Variants in ZNF546 observed in about 807,000 individuals in gnomAD.
ZNF546 encodes CTC-471F3.6.
A neutral mutation model predicts 76.2 loss-of-function variants in ZNF546; 60 were observed. The observed-to-expected ratio is 0.79, with a 90% CI of 0.64 to 0.98. ZNF546 has a LOEUF of 0.98. Ranked by LOEUF, ZNF546 falls within the 50% of genes least tolerant of loss-of-function variation. The pLI is 0.00. For missense variants in ZNF546, 936 were observed against 1,035.6 expected, an observed-to-expected ratio of 0.90 and a Z score of 1.32; for synonymous variants, 277 against 328.1, an observed-to-expected ratio of 0.84 and a Z score of 1.68.
chr19:40,003,428 G>A (rs1971556795), intron 3 of ZNF546, among the ~76,000 whole-genome samples: 1 of 152,054 alleles, frequency 6.6e-6, no homozygotes, highest in South Asian at 2.1e-4. Flanking sequence ...AGGCTAATGG[G>A]TTTTTATTGT....
intron 3 of ZNF546, among the ~76,000 whole-genome samples, chr19:40,003,300 G>A (rs971002372): frequency 6.6e-5 from 10 of 152,172 alleles, no homozygotes; most frequent in Admixed American, 5.2e-4. Flanking sequence ...GCCTCCCAAA[G>A]TGCTGGGATT....
chr19:39,998,268 C>T lies in ZNF546; in HGVS notation c.-59C>T, dbSNP rs1971480250. On this transcript the variant is annotated 5_prime_UTR_variant, in exon 3 of 7. Transcript: ENST00000347077. Reference sequence around the variant, plus strand: ...TTTAGGAAATGGAAACATTGCTTTGCTTTTCCTGAATTGTCCAGTGACCTA... The same window carrying T: ...TTTAGGAAATGGAAACATTGCTTTGTTTTTCCTGAATTGTCCAGTGACCTA... 1.5e-6 allele frequency: 2 copies of T among 1,342,502 alleles called. No individual in the cohort carries two copies. The highest frequency in any genetic ancestry group is 1.9e-5 in the Admixed American group (1 of 52,186). The allele number at this position is 1,342,502 out of a possible 1,614,324, so 83.2% of individuals were successfully genotyped here.
rs770568409 is a variant in ZNF546, at chr19:40,015,396, C to A, written c.2126C>A (p.Thr709Lys). 1.2e-6 allele frequency: 2 copies of A among 1,614,204 alleles called. No homozygotes were observed. Among genetic ancestry groups the A allele is most frequent in the Non-Finnish European group, 8.5e-7 (1 of 1,180,026 alleles). ...GNAFICSYRL[T>K]LHQRIHTGEL... Reference sequence around the variant, plus strand: ...GCTTTTATTTGCAGTTATCGACTTACATTACATCAAAGAATTCACACTGGT... The same window carrying A: ...GCTTTTATTTGCAGTTATCGACTTAAATTACATCAAAGAATTCACACTGGT... The change falls in exon 7 of 7, where the codon ACA (threonine) becomes AAA (lysine). Residue 709 changes from threonine (T) to lysine (K), a missense_variant. By Grantham distance (78) the Thr-to-Lys change is moderately conservative. Transcript: ENST00000347077.
chr19:40,012,442 G>A (rs1971684205), intron 6 of ZNF546, among the ~76,000 whole-genome samples: 2 of 152,118 alleles, frequency 1.3e-5, no homozygotes, highest in South Asian at 4.1e-4. Context: ...TTGTAATTTG[G>A]GGAAATTAAG....
At position 40,015,906 on chromosome 19, in the gene ZNF546, T is replaced by C. The variant is rs528687706; in HGVS notation, c.*125T>C. ...CATGCTCACAATTTATCAGAAATTATTTCGTATGTTAAAGAGTCGAAAGAC... is the reference window on the plus strand; with the variant it reads ...CATGCTCACAATTTATCAGAAATTACTTCGTATGTTAAAGAGTCGAAAGAC... On this transcript the variant is annotated 3_prime_UTR_variant, in exon 7 of 7. Transcript: ENST00000347077. The C allele has an allele frequency of 9.0e-5, 80 of 892,312 alleles. No homozygotes were observed. The African/African-American group carries it at 1.3e-3, about 14-fold the overall frequency. 55.3% of individuals were successfully genotyped at this position (892,312 alleles called of 1,614,324 possible). A position where few individuals can be genotyped will look rare whatever the true frequency, so the allele number is the denominator to read the frequency against.
At chr19:40,010,601 G>A (rs945606851) in intron 6 of ZNF546, among the ~76,000 whole-genome samples, 1 of 152,102 alleles carries the variant, frequency 6.6e-6, no homozygotes, top group Non-Finnish European at 1.5e-5. Context: ...ATAATCCTGA[G>A]CAACTTTTTA....
At position 40,005,981 on chromosome 19, in the gene ZNF546, G is replaced by A. The variant is rs138379103; in HGVS notation, c.85-115G>A. ...GAGATATCTTCCCCAGTTTATATGC[G>A]CAGAATGGTGGGGTTGGAAGTAGAA... On this transcript the variant is annotated intron_variant, in intron 3 of 6. Transcript: ENST00000347077. 9.4e-4 allele frequency: 845 copies of A among 901,818 alleles called. 3 individuals carry two copies. In the African/African-American group the frequency reaches 0.012, roughly 13 times the overall value. 55.9% of individuals were successfully genotyped at this position (901,818 alleles called of 1,614,324 possible).
intron 3 of ZNF546, among the ~76,000 whole-genome samples, chr19:40,000,615 C>CAAAAAAAAA (rs550470156): frequency 1.8e-5 from 1 of 56,786 alleles, no homozygotes; most frequent in African/African-American, 6.2e-5. Context: ...GACTCTGTCT[C>CAAAAAAAAA]AAAAAAAAAA....
At position 40,015,136 on chromosome 19, in the gene ZNF546, A is replaced by G; in HGVS notation, c.1866A>G (p.Thr622=). 6.2e-7 allele frequency: 1 copy of G among 1,613,944 alleles called. No individual in the cohort carries two copies. The highest frequency in any genetic ancestry group is 8.5e-7 in the Non-Finnish European group (1 of 1,179,976). The part of the protein sequence containing the change: ...NECGKAFRFQ[T]ELTQHHRIHT... ...GTGGGAAAGCCTTTCGATTTCAAACAGAACTTACTCAGCATCACAGAATTC... is the reference window on the plus strand; with the variant it reads ...GTGGGAAAGCCTTTCGATTTCAAACGGAACTTACTCAGCATCACAGAATTC... Residue 622 remains threonine (T), a synonymous_variant, in exon 7 of 7, where the codon ACA becomes ACG. Coordinates refer to ENST00000347077, the MANE Select transcript of ZNF546 (RefSeq NM_178544.5).
intron 3 of ZNF546, among the ~76,000 whole-genome samples, chr19:40,004,069 A>G (rs1464369032): frequency 7.7e-6 from 1 of 129,086 alleles, no homozygotes; most frequent in African/African-American, 3.9e-5. Context: ...TATATAATAT[A>G]TAAATATATA....
At chr19:40,000,062 T>G (rs112065826) in intron 3 of ZNF546, among the ~76,000 whole-genome samples, 1 of 152,216 alleles carries the variant, frequency 6.6e-6, no homozygotes, top group Non-Finnish European at 1.5e-5. Flanking sequence ...TATAACTCTG[T>G]GCACATAGGG....
At chr19:39,999,639 G>GATCTTGGCTTACTGCAAC (rs935324277) in intron 3 of ZNF546, 12 of 150,942 alleles carry the variant, frequency 8.0e-5, no homozygotes, top group African/African-American at 2.9e-4. Context: ...GCAGTGATGT[G>GATCTTGGCTTACTGCAAC]ATCTTGGCTT....
At chr19:40,005,335 T>G (rs572628855) in intron 3 of ZNF546, among the ~76,000 whole-genome samples, 1 of 152,250 alleles carries the variant, frequency 6.6e-6, no homozygotes, top group East Asian at 1.9e-4. Flanking sequence ...TGCATGCATC[T>G]TAATACACAT....
intron 3 of ZNF546, among the ~76,000 whole-genome samples, chr19:40,000,067 A>G (rs145052544): frequency 7.0e-4 from 106 of 152,360 alleles, no homozygotes; most frequent in African/African-American, 2.3e-3. Context: ...CTCTGTGCAC[A>G]TAGGGAGAAG....
At chr19:40,009,835 C>G (rs950289918) in intron 6 of ZNF546, among the ~76,000 whole-genome samples, 1 of 152,022 alleles carries the variant, frequency 6.6e-6, no homozygotes, top group East Asian at 1.9e-4. Context: ...ATCCATGTTG[C>G]TATATGTATC....
chr19:40,010,592 T>C (rs1315557053), intron 6 of ZNF546, among the ~76,000 whole-genome samples: 2 of 152,198 alleles, frequency 1.3e-5, no homozygotes, highest in Non-Finnish European at 2.9e-5. Context: ...TAATGCCTAA[T>C]AATCCTGAGC....
chr19:39,998,900 G>A (rs965756984), intron 3 of ZNF546, among the ~76,000 whole-genome samples: 2 of 152,044 alleles, frequency 1.3e-5, no homozygotes, highest in African/African-American at 4.8e-5. Flanking sequence ...AGCCTCCCAG[G>A]TAGCTGGGAT....
At position 40,014,804 on chromosome 19, in the gene ZNF546, C is replaced by A. The variant is rs1050389734; in HGVS notation, c.1534C>A (p.Leu512Ile). The stretch of plus-strand genomic sequence containing the variant: ...AAAAACCTTCAGTAGTCGCTATCAT[C>A]TCACTCAACACTACAGAATTCATAC... ...CGKTFSSRYH[L>I]TQHYRIHTGE... Residue 512 changes from leucine to isoleucine, a missense_variant, in exon 7 of 7, where the codon CTC (leucine) becomes ATC (isoleucine). Leu to Ile is a conservative substitution (Grantham distance 5). Transcript: ENST00000347077. 3 of 1,613,776 alleles carry A rather than the reference C, an allele frequency of 1.9e-6. No individual in the cohort carries two copies. The African/African-American group carries it at 4.0e-5, about 22-fold the overall frequency.
In ZNF546 at chr19:40,019,698, T is replaced by G. The variant is rs1971829663; in HGVS notation, c.*3917T>G. The G allele has an allele frequency of 6.6e-6, 1 of 152,020 alleles. No homozygotes were observed. The highest frequency in any genetic ancestry group is 6.6e-5 in the Admixed American group (1 of 15,264). 9.4% of individuals were successfully genotyped at this position (152,020 alleles called of 1,614,324 possible). On this transcript the variant is annotated 3_prime_UTR_variant, in exon 7 of 7. Transcript: ENST00000347077. ...CTTAAAAGGCAAAAATGTAGGTGAG[T>G]CATTACGAAGAAAGCAGAAATTCTA...
Sources: allele counts gnomAD v4.1 joint callset (sites outside exome capture counted in the v4.1 genomes callset), GRCh38; gene constraint gnomAD v4.1.1; transcripts MANE v1.5; gene names NCBI Gene and HGNC (gene_info 2026-07-23, HGNC 2026-07-21).